Variants in MGAT5 observed in about 807,000 individuals in gnomAD.
MGAT5 encodes the protein alpha-1,6-mannosylglycoprotein 6-beta-N-acetylglucosaminyltransferase, also known as alpha-1,6-mannosylglycoprotein 6-beta-N-acetylglucosaminyltransferase A.
Under a neutral mutation model 94.3 loss-of-function variants are expected in MGAT5, and 30 were observed. The observed-to-expected ratio is 0.32, with a 90% CI of 0.24 to 0.43. The LOEUF is 0.43. MGAT5 is among the 20% of genes least tolerant of loss of function. The pLI is 1.00. For synonymous variants in MGAT5, 310 were observed against 322.9 expected (o/e 0.96, Z 0.43); for missense variants, 691 against 905.5 (o/e 0.76, Z 3.04).
intron 1 of MGAT5, among the ~76,000 whole-genome samples, chr2:134,135,854 C>T (rs539138320): frequency 7.6e-4 from 116 of 152,250 alleles, no homozygotes; most frequent in African/African-American, 2.7e-3. Flanking sequence ...TAGTTTTTGG[C>T]TCTTGCTGGG....
intron 9 of MGAT5, among the ~76,000 whole-genome samples, chr2:134,351,441 TACAAG>T (rs1679375651): frequency 1.3e-5 from 2 of 152,138 alleles, no homozygotes; most frequent in African/African-American, 4.8e-5. Context: ...GCGTGTGCCC[TACAAG>T]AGATAGAGTT....
chr2:134,316,567 TA>T (rs1176088726), intron 2 of MGAT5, among the ~76,000 whole-genome samples: 1 of 152,212 alleles, frequency 6.6e-6, no homozygotes, highest in African/African-American at 2.4e-5. Context: ...AAGCTTCATT[TA>T]ATTTTTTTTA....
chr2:134,201,938 G>C (rs1266878328), intron 1 of MGAT5, among the ~76,000 whole-genome samples: 2 of 150,906 alleles, frequency 1.3e-5, no homozygotes, highest in Non-Finnish European at 2.9e-5. Context: ...AAAGATGCCA[G>C]GGTTTGGTAT....
At chr2:134,161,296 TG>T (rs1269894773) in intron 1 of MGAT5, among the ~76,000 whole-genome samples, 1 of 152,110 alleles carries the variant, frequency 6.6e-6, no homozygotes, top group Non-Finnish European at 1.5e-5. Context: ...GCCAAGGCCG[TG>T]GGGCTAGCCT....
intron 1 of MGAT5, among the ~76,000 whole-genome samples, chr2:134,269,745 A>G (rs1427629256): frequency 6.6e-6 from 1 of 152,248 alleles, no homozygotes; most frequent in Non-Finnish European, 1.5e-5. Context: ...CGATGAGAGT[A>G]TATCCCCAGC....
intron 1 of MGAT5, among the ~76,000 whole-genome samples, chr2:134,179,445 GGCTC>G (rs1261059702): frequency 1.8e-4 from 27 of 152,156 alleles, no homozygotes; most frequent in African/African-American, 6.5e-4. Context: ...TGTGACCAGG[GGCTC>G]GCGGGTACCC....
chr2:134,138,110 C>T (rs1021503665), intron 1 of MGAT5, among the ~76,000 whole-genome samples: 2 of 151,858 alleles, frequency 1.3e-5, no homozygotes, highest in Middle Eastern at 3.2e-3. Flanking sequence ...CCCACCTCAG[C>T]CTCCCAAAGT....
intron 10 of MGAT5, among the ~76,000 whole-genome samples, chr2:134,365,502 A>T (rs1214025041): frequency 2.6e-5 from 4 of 152,232 alleles, no homozygotes; most frequent in Non-Finnish European, 5.9e-5. Context: ...CTGTGGCAGG[A>T]GGGCGAGGCG....
rs1689221085 is a variant in MGAT5, at chr2:134,189,592, G to GTTTTTTTTTGTTTTTT, written c.-142-64660_-142-64645dup. On this transcript the variant is annotated intron_variant, in intron 1 of 16. Transcript: ENST00000409645. ...ACATATGACTAACCTCATGGCTCTA[G>GTTTTTTTTTGTTTTTT]TTTTTTTTTGTTTTTTTTTTTTTTT... Among the ~76,000 whole-genome samples the GTTTTTTTTTGTTTTTT allele has an allele frequency of 5.3e-5, 3 of 56,316 alleles. 1 individual carries two copies. Among genetic ancestry groups the GTTTTTTTTTGTTTTTT allele is most frequent in the South Asian group, 1.3e-3 (2 of 1,572 alleles). The allele number at this position is 56,316 out of a possible 152,430, so 36.9% of individuals were successfully genotyped here.
At chr2:134,289,230 CT>C (rs1195519403) in intron 2 of MGAT5, among the ~76,000 whole-genome samples, 1 of 152,172 alleles carries the variant, frequency 6.6e-6, no homozygotes, top group Non-Finnish European at 1.5e-5. Context: ...CAGGACTGCT[CT>C]TCTACTCCAT....
At chr2:134,304,738 A>G (rs1686227401) in intron 2 of MGAT5, among the ~76,000 whole-genome samples, 1 of 152,186 alleles carries the variant, frequency 6.6e-6, no homozygotes, top group Non-Finnish European at 1.5e-5. Context: ...ATTAAGTTGT[A>G]AGATAGCCTG....
intron 1 of MGAT5, among the ~76,000 whole-genome samples, chr2:134,130,204 C>CCCACACCGCCCCACA: frequency 1.7e-5 from 1 of 60,348 alleles, no homozygotes; most frequent in Non-Finnish European, 3.4e-5. Flanking sequence ...TGGAGCCCGC[C>CCCACACCGCCCCACA]CCGCCCCACA....
intron 1 of MGAT5, among the ~76,000 whole-genome samples, chr2:134,192,860 A>T (rs1424990546): frequency 6.6e-6 from 1 of 152,002 alleles, no homozygotes; most frequent in East Asian, 1.9e-4. Flanking sequence ...AAGCATAAAT[A>T]TAAGTGTATT....
At chr2:134,415,922 T>C (rs1419104921) in intron 12 of MGAT5, among the ~76,000 whole-genome samples, 1 of 152,250 alleles carries the variant, frequency 6.6e-6, no homozygotes, top group Non-Finnish European at 1.5e-5. Context: ...AATCAGTTCT[T>C]TTCTGGTTTC....
chr2:134,392,316 C>T (rs1274041805), intron 10 of MGAT5, among the ~76,000 whole-genome samples: 1 of 152,062 alleles, frequency 6.6e-6, no homozygotes, highest in African/African-American at 2.4e-5. Context: ...TTTAAGAAAT[C>T]AGGAATGAGG....
Position 134,159,188 on chromosome 2 carries a change from CGTGTGTGTGT to C in MGAT5, c.-143+38925_-143+38934del, listed in dbSNP as rs138643972. 6.3e-3 allele frequency among the ~76,000 whole-genome samples: 910 copies of C among 144,094 alleles called. 5 individuals are homozygous for C. Among genetic ancestry groups the C allele is most frequent in the East Asian group, 0.021 (102 of 4,928 alleles). 94.5% of individuals were successfully genotyped at this position (144,094 alleles called of 152,430 possible). On this transcript the variant is annotated intron_variant, in intron 1 of 16. Coordinates refer to the MGAT5 transcript ENST00000409645. Reference sequence around the variant, plus strand: ...CTTCTGGAGAACACTGGTCTAAATTCGTGTGTGTGTGTGTGTGTGTGTGTGTGTGTGTGTG... The same window carrying C: ...CTTCTGGAGAACACTGGTCTAAATTCGTGTGTGTGTGTGTGTGTGTGTGTG...
rs141843086 is a variant in MGAT5 at position 134,120,940 on chromosome 2, C to G, written c.-143+649C>G. Among the ~76,000 whole-genome samples the G allele has an allele frequency of 9.6e-3, 1,458 of 152,108 alleles. 26 individuals are homozygous for G. The highest frequency in any genetic ancestry group is 0.031 in the African/African-American group (1,302 of 41,542). On this transcript the variant is annotated intron_variant, in intron 1 of 16. Transcript: ENST00000409645. ...CCGTGATCCCGCCGGCGCGCTCAGC[C>G]CTGCTGCCGGGTCTGGGAGGCTGCA...
intron 2 of MGAT5, among the ~76,000 whole-genome samples, chr2:134,298,178 C>T (rs1419716684): frequency 1.3e-5 from 2 of 152,176 alleles, no homozygotes; most frequent in Non-Finnish European, 2.9e-5. Flanking sequence ...TCACTGCCAC[C>T]TCCGCCTCCT....
At chr2:134,439,928 T>A (rs960030434) in intron 14 of MGAT5, among the ~76,000 whole-genome samples, 11 of 152,140 alleles carry the variant, frequency 7.2e-5, no homozygotes, top group African/African-American at 2.7e-4. Context: ...CTAGGAGCCC[T>A]GGGCCCTGAG....
Sources: gnomAD v4.1 joint callset for allele counts (sites outside exome capture counted in the v4.1 genomes callset) on GRCh38, gnomAD v4.1.1 for gene constraint, MANE v1.5 for transcripts, NCBI Gene and HGNC (gene_info 2026-07-23, HGNC 2026-07-21) for gene names.